Variants in TNPO3 observed in about 807,000 individuals in gnomAD.
The protein encoded by TNPO3 is transportin 3.
TNPO3 carries 65 observed loss-of-function variants against 122.8 expected under a neutral mutation model. The observed-to-expected ratio is 0.53, with a 90% confidence interval of 0.43 to 0.65. The LOEUF is 0.65. TNPO3 is among the 30% of genes least tolerant of loss of function. The pLI, the probability that TNPO3 is intolerant of heterozygous loss-of-function variation, is 0.00. For missense variants in TNPO3, 850 were observed against 1,136.7 expected (o/e 0.75, Z 3.63); for synonymous variants, 372 against 411.2 (o/e 0.90, Z 1.15).
chr7:129,028,318 G>A (rs1427727165), intron 1 of TNPO3, among the ~76,000 whole-genome samples: 2 of 151,884 alleles, frequency 1.3e-5, no homozygotes, highest in Admixed American at 6.6e-5. Context: ...ACTAGTATAA[G>A]AACACAACAT....
chr7:128,991,410 T>C (rs1304724365), intron 10 of TNPO3, among the ~76,000 whole-genome samples: 3 of 152,224 alleles, frequency 2.0e-5, no homozygotes, highest in Non-Finnish European at 4.4e-5. Flanking sequence ...TCGATTTATA[T>C]ACTCATGGCA....
intron 1 of TNPO3, among the ~76,000 whole-genome samples, chr7:129,018,910 G>T (rs1287175539): frequency 6.6e-6 from 1 of 152,126 alleles, no homozygotes; most frequent in Non-Finnish European, 1.5e-5. Flanking sequence ...GTAGAGGCGA[G>T]GTTTCACCAT....
chr7:128,985,282 A>T (rs978651223), intron 12 of TNPO3, among the ~76,000 whole-genome samples: 6 of 152,334 alleles, frequency 3.9e-5, no homozygotes, highest in Admixed American at 3.9e-4. Flanking sequence ...ATTAATTCCT[A>T]TAGAAAAGTA....
At chr7:129,031,105 T>C (rs572560909) in intron 1 of TNPO3, among the ~76,000 whole-genome samples, 9 of 152,238 alleles carry the variant, frequency 5.9e-5, no homozygotes, top group Admixed American at 5.9e-4. Flanking sequence ...GCCAACACGT[T>C]GAAACCCTGT....
intron 21 of TNPO3, among the ~76,000 whole-genome samples, chr7:128,958,350 G>A (rs1358701405): frequency 6.6e-6 from 1 of 151,906 alleles, no homozygotes; most frequent in Non-Finnish European, 1.5e-5. Flanking sequence ...TCACCATGTT[G>A]GCCAGGCTGG....
chr7:128,962,237 T>C (rs1051868585), intron 21 of TNPO3, among the ~76,000 whole-genome samples: 3 of 151,638 alleles, frequency 2.0e-5, no homozygotes, highest in African/African-American at 7.3e-5. Context: ...CGGTGGCGGG[T>C]GCCTGTAGTC....
At chr7:129,019,364 G>A (rs1408689621) in intron 1 of TNPO3, among the ~76,000 whole-genome samples, 1 of 152,162 alleles carries the variant, frequency 6.6e-6, no homozygotes, top group South Asian at 2.1e-4. Context: ...AAGAGAAGGG[G>A]TCAATTTCTT....
intron 19 of TNPO3, 121 bp from the exon 20 acceptor site, chr7:128,970,436 G>T: frequency 1.2e-6 from 1 of 868,374 alleles, no homozygotes; most frequent in Non-Finnish European, 1.7e-6. Flanking sequence ...GTGCACGCGT[G>T]GCTGTGTGTG....
chr7:129,039,567 A>G (rs1385039205), intron 1 of TNPO3, among the ~76,000 whole-genome samples: 5 of 152,272 alleles, frequency 3.3e-5, no homozygotes, highest in Admixed American at 6.5e-5. Flanking sequence ...CTAAAAAAAA[A>G]TAAATAAATA....
Position 128,993,837 on chromosome 7 carries a change from G to C in TNPO3, c.1236C>G (p.Phe412Leu). 2.5e-6 allele frequency: 4 copies of C among 1,614,010 alleles called. No individual in the cohort carries two copies. The highest frequency in any genetic ancestry group is 3.4e-6 in the Non-Finnish European group (4 of 1,179,984). ...RVSDLVKDLIFLIGSMECFAQ... is the reference protein window; with the variant it reads ...RVSDLVKDLILLIGSMECFAQ... ...CAAAACACTCCATAGACCCTATCAAGAAAATCAAGTCCTTTACCAGGTCTG... is the reference window on the plus strand; with the variant it reads ...CAAAACACTCCATAGACCCTATCAACAAAATCAAGTCCTTTACCAGGTCTG... The change falls in exon 9 of 23, where the codon TTC becomes TTG. Residue 412 changes from phenylalanine (F) to leucine (L), a missense_variant. By Grantham distance (22) the Phe-to-Leu change is conservative (BLOSUM62 0). Coordinates refer to ENST00000265388, the MANE Select transcript of TNPO3 (RefSeq NM_012470.4).
chr7:128,980,753 T>C (rs1324863364), intron 14 of TNPO3, among the ~76,000 whole-genome samples: 1 of 152,154 alleles, frequency 6.6e-6, no homozygotes, highest in Non-Finnish European at 1.5e-5. Context: ...AACCTGAATA[T>C]GTAGTTTCTT....
intron 1 of TNPO3, among the ~76,000 whole-genome samples, chr7:129,053,280 G>A (rs1809011696): frequency 6.6e-6 from 1 of 150,952 alleles, no homozygotes; most frequent in African/African-American, 2.4e-5. Context: ...TGCCGAGATA[G>A]CACCACTGCA....
intron 11 of TNPO3, among the ~76,000 whole-genome samples, chr7:128,988,265 C>G (rs1800379071): frequency 6.6e-6 from 1 of 152,200 alleles, no homozygotes; most frequent in South Asian, 2.1e-4. Context: ...TGTGAGCCAC[C>G]ATGCCTGGCC....
Position 128,961,718 on chromosome 7 carries a change from C to T in TNPO3, c.2712-4403G>A, listed in dbSNP as rs74542576. Reference sequence around the variant, plus strand: ...GCTTTTATGGTCACTATTTCTCGAGCCCCATAAGATTACTAGAGGAGTGCT... The same window carrying T: ...GCTTTTATGGTCACTATTTCTCGAGTCCCATAAGATTACTAGAGGAGTGCT... On this transcript the variant is annotated intron_variant, in intron 21 of 22. Transcript: ENST00000265388. Among the ~76,000 whole-genome samples the T allele has an allele frequency of 1.2e-4, 19 of 152,084 alleles. 1 individual carries two copies. The highest frequency in any genetic ancestry group is 4.1e-4 in the African/African-American group (17 of 41,414).
chr7:128,963,895 G>T (rs2128984336), intron 21 of TNPO3, among the ~76,000 whole-genome samples: 1 of 152,286 alleles, frequency 6.6e-6, no homozygotes, highest in South Asian at 2.1e-4. Flanking sequence ...AGTGCACATA[G>T]TGCAGAAAGT....
intron 4 of TNPO3, among the ~76,000 whole-genome samples, chr7:129,006,033 T>G (rs1802547219): frequency 6.6e-6 from 1 of 152,168 alleles, no homozygotes; most frequent in Admixed American, 6.5e-5. Context: ...TCCGCCCACC[T>G]TGGCCTCCCA....
At chr7:128,960,410 C>T (rs1359822850) in intron 21 of TNPO3, among the ~76,000 whole-genome samples, 1 of 152,024 alleles carries the variant, frequency 6.6e-6, no homozygotes, top group Non-Finnish European at 1.5e-5. Flanking sequence ...ACATTGTTAT[C>T]CTAGGAGATG....
At chr7:128,961,100 A>C (rs1797407922) in intron 21 of TNPO3, among the ~76,000 whole-genome samples, 1 of 151,996 alleles carries the variant, frequency 6.6e-6, no homozygotes, top group Non-Finnish European at 1.5e-5. Flanking sequence ...TTTTTTTATA[A>C]ATTTAGTGTA....
At chr7:128,957,180 C>T (rs1266992870) in intron 22 of TNPO3, 44 bp downstream of exon 22, 4 of 1,541,958 alleles carry the variant, frequency 2.6e-6, no homozygotes, top group African/African-American at 2.7e-5. Flanking sequence ...GCATCCCCAA[C>T]AGTCCGACAG....
Sources: gnomAD v4.1 joint callset for allele counts (sites outside exome capture counted in the v4.1 genomes callset) on GRCh38, gnomAD v4.1.1 for gene constraint, MANE v1.5 for transcripts, NCBI Gene and HGNC (gene_info 2026-07-23, HGNC 2026-07-21) for gene names.